AP3D1: variants seen among roughly 807,000 people sequenced by gnomAD.
The protein encoded by AP3D1 is adaptor related protein complex 3 subunit delta 1.
AP3D1 carries 51 observed loss-of-function variants against 147.6 expected under a neutral mutation model. The observed-to-expected ratio is 0.35, with a 90% CI of 0.28 to 0.44. AP3D1 has a LOEUF of 0.44. AP3D1 is among the 20% of genes least tolerant of loss of function. The probability of loss-of-function intolerance (pLI) is 1.00; values close to 1 mark genes in which losing one functional copy is unlikely to be tolerated. For synonymous variants in AP3D1, 760 were observed against 663.0 expected (o/e 1.15, Z -2.25); for missense variants, 1,421 against 1,624.2 (o/e 0.87, Z 2.15).
Position 2,111,683 on chromosome 19 carries a change from A to G in AP3D1, c.2933T>C (p.Leu978Pro). 6.3e-7 allele frequency: 1 copy of G among 1,589,212 alleles called. No individual in the cohort carries two copies. Among genetic ancestry groups the G allele is most frequent in the Non-Finnish European group, 8.5e-7 (1 of 1,170,512 alleles). Residue 978 changes from leucine (L) to proline (P), a missense_variant, in exon 25 of 32, where the codon CTC (leucine) becomes CCC (proline). Leu to Pro is a moderately conservative substitution (Grantham distance 98, BLOSUM62 -3). Transcript: ENST00000643116. Reference sequence around the variant, plus strand: ...GGGCGCTGAAGTACCCCTCACCGGGAGCTGCTCCTCCTCTGGCGCGCCATT... The same window carrying G: ...GGGCGCTGAAGTACCCCTCACCGGGGGCTGCTCCTCCTCTGGCGCGCCATT... ...VQNGAPEEEQ[L>P]PPESSYSLLA... is the part of the protein sequence containing the mutation.
chr19:2,121,314 G>C lies in AP3D1; in HGVS notation c.1102-3C>G. 1 of 1,614,024 alleles carries C rather than the reference G, an allele frequency of 6.2e-7. No homozygotes were observed. Among genetic ancestry groups the C allele is most frequent in the Non-Finnish European group, 8.5e-7 (1 of 1,179,970 alleles). ...TCCATCAGGTTCTTCTTGGACACCT[G>C]GGCAAAAGTGTACAGACAGTGGTGA... On this transcript the variant is annotated splice_region_variant and splice_polypyrimidine_tract_variant and intron_variant, in intron 12 of 31. Transcript: ENST00000643116.
In AP3D1 at chr19:2,127,022, G is replaced by A. The variant is rs114668581; in HGVS notation, c.856+130C>T. ...TCCCAGCCAGCCCCAGGCCCCACCA[G>A]CCAGCTTTCCTTCTCAGTTCCAGCA... On this transcript the variant is annotated intron_variant, in intron 9 of 31. Coordinates refer to ENST00000643116, the MANE Select transcript of AP3D1 (RefSeq NM_001261826.3). The A allele has an allele frequency of 1.1e-3, 1,086 of 989,332 alleles. 10 individuals carry two copies. The African/African-American group carries it at 0.014, about 13-fold the overall frequency. 61.3% of individuals were successfully genotyped at this position (989,332 alleles called of 1,614,324 possible). A position where few individuals can be genotyped will look rare whatever the true frequency, so the allele number is the denominator to read the frequency against.
intron 1 of AP3D1, among the ~76,000 whole-genome samples, chr19:2,147,970 A>G (rs1478280330): frequency 6.6e-6 from 1 of 151,784 alleles, no homozygotes; most frequent in Non-Finnish European, 1.5e-5. Context: ...GATCACGAGG[A>G]CAGGAGATTG....
intron 4 of AP3D1, among the ~76,000 whole-genome samples, 157 bp downstream of exon 4, chr19:2,136,854 T>C (rs769600296): frequency 6.6e-6 from 1 of 152,202 alleles, no homozygotes; most frequent in African/African-American, 2.4e-5. Flanking sequence ...GCCTCCTCTC[T>C]GCGTCTGCTG....
rs571117702 is a variant in AP3D1 at position 2,144,962 on chromosome 19, A to G, written c.97-6248T>C. ...GCTTCTGGCTCAAATCCACAGAGACAGCAGGTCAGTGGTCGCCAGGGCATA... is the reference window on the plus strand; with the variant it reads ...GCTTCTGGCTCAAATCCACAGAGACGGCAGGTCAGTGGTCGCCAGGGCATA... On this transcript the variant is annotated intron_variant, in intron 1 of 31. Coordinates refer to ENST00000643116, the MANE Select transcript of AP3D1 (RefSeq NM_001261826.3). Among the ~76,000 whole-genome samples, 7 of 152,340 alleles carry G rather than the reference A, an allele frequency of 4.6e-5. No individual in the cohort carries two copies. In the South Asian group the frequency reaches 1.0e-3, roughly 23 times the overall value.
At chr19:2,149,863 T>C (rs1042566296) in intron 1 of AP3D1, among the ~76,000 whole-genome samples, 4 of 152,222 alleles carry the variant, frequency 2.6e-5, no homozygotes, top group African/African-American at 7.2e-5. Flanking sequence ...ATTTCCAATC[T>C]GAACCAAGCT....
rs770444809 is a variant in AP3D1, at chr19:2,111,660, G to A, written c.2937+19C>T. 6.4e-7 allele frequency: 1 copy of A among 1,570,866 alleles called. No individual in the cohort carries two copies. The highest frequency in any genetic ancestry group is 2.3e-5 in the East Asian group (1 of 42,944). On this transcript the variant is annotated intron_variant, in intron 25 of 31. Coordinates refer to ENST00000643116, the MANE Select transcript of AP3D1 (RefSeq NM_001261826.3). ...CCAGGAACCCCGGCGTGGGGCGGGG[G>A]CGCTGAAGTACCCCTCACCGGGAGC...
chr19:2,127,106 C>T (rs1360950865), intron 9 of AP3D1, 46 bp downstream of exon 9: 9 of 1,600,312 alleles, frequency 5.6e-6, no homozygotes, highest in Non-Finnish European at 7.7e-6. Flanking sequence ...GAGACCCCAG[C>T]CTGGCAGTGC....
At position 2,141,503 on chromosome 19, in the gene AP3D1, G is replaced by A. The variant is rs577546247; in HGVS notation, c.97-2789C>T. On this transcript the variant is annotated intron_variant, in intron 1 of 31. Transcript: ENST00000643116. ...GGCTGGAGTGCAGTGGTACGATCTCGGCTCACTGCAACCTCCGCCTCTCGG... is the reference window on the plus strand; with the variant it reads ...GGCTGGAGTGCAGTGGTACGATCTCAGCTCACTGCAACCTCCGCCTCTCGG... 1.5e-3 allele frequency among the ~76,000 whole-genome samples: 215 copies of A among 138,976 alleles called. 1 individual carries two copies. The highest frequency in any genetic ancestry group is 5.6e-3 in the African/African-American group (207 of 36,816). The allele number at this position is 138,976 out of a possible 152,430, so 91.2% of individuals were successfully genotyped here.
At chr19:2,105,842 T>C (rs927634757) in intron 31 of AP3D1, among the ~76,000 whole-genome samples, 1 of 152,170 alleles carries the variant, frequency 6.6e-6, no homozygotes, top group Non-Finnish European at 1.5e-5. Flanking sequence ...GTGCTTCTAA[T>C]ACCAGCACTT....
At chr19:2,140,956 G>A (rs1241139070) in intron 1 of AP3D1, among the ~76,000 whole-genome samples, 9 of 151,544 alleles carry the variant, frequency 5.9e-5, no homozygotes, top group Non-Finnish European at 1.0e-4. Flanking sequence ...ACGGGGTTTC[G>A]CCACGTTGGC....
chr19:2,127,780 G>A (rs1394579051), intron 8 of AP3D1, among the ~76,000 whole-genome samples: 2 of 152,220 alleles, frequency 1.3e-5, no homozygotes, highest in Middle Eastern at 3.2e-3. Context: ...ACTCGCCTTG[G>A]CCTCCCAAAG....
chr19:2,112,537 A>C, intron 24 of AP3D1: 1 of 250,448 alleles, frequency 4.0e-6, no homozygotes, highest in Non-Finnish European at 7.6e-6. Context: ...GCTGGTGGGA[A>C]TGGAGCTTCT....
chr19:2,146,852 A>G (rs1236805492), intron 1 of AP3D1, among the ~76,000 whole-genome samples: 1 of 151,950 alleles, frequency 6.6e-6, no homozygotes, highest in Non-Finnish European at 1.5e-5. Flanking sequence ...TCCAAGAGAC[A>G]TTCTGGTCTG....
chr19:2,109,340 G>A (rs2018200034), intron 29 of AP3D1, 133 bp from the exon 30 acceptor site: 1 of 1,259,704 alleles, frequency 7.9e-7, no homozygotes, highest in Non-Finnish European at 1.1e-6. Flanking sequence ...GAGGTCTTGG[G>A]GGTCCTGGAA....
intron 4 of AP3D1, 125 bp downstream of exon 4, chr19:2,136,886 C>A: frequency 2.3e-6 from 2 of 872,010 alleles, no homozygotes; most frequent in South Asian, 1.5e-5. Flanking sequence ...GCTCCGGAAG[C>A]CCCGCTCGCA....
In AP3D1 at chr19:2,121,240, G is replaced by A; in HGVS notation, c.1173C>T (p.Thr391=). ...TCTTGGTGAGCAGCTCGTCACGGTA[G>A]GTGGTACCCTCTGCCTTGTCTACGT... ...MTHVDKAEGT[T]YRDELLTKII... The change falls in exon 13 of 32, where the codon ACC becomes ACT. Residue 391 remains threonine, a synonymous_variant. Transcript: ENST00000643116. 6.2e-7 allele frequency: 1 copy of A among 1,614,206 alleles called. No homozygotes were observed. The highest frequency in any genetic ancestry group is 1.1e-5 in the South Asian group (1 of 91,090).
chr19:2,163,197 C>G (rs1339470596), intron 1 of AP3D1, among the ~76,000 whole-genome samples: 1 of 152,154 alleles, frequency 6.6e-6, no homozygotes, highest in Non-Finnish European at 1.5e-5. Flanking sequence ...CCTCAGCCCC[C>G]GCAGTAGCTG....
Position 2,129,459 on chromosome 19 carries a change from T to TG in AP3D1, c.593-3dup. ...CATTGACGGCAGCCGACTGAACCCC[T>TG]GGGGAACAAGGGGTTCTCATCAGCA... is the stretch of plus-strand genomic sequence containing the variant. On this transcript the variant is annotated splice_polypyrimidine_tract_variant and splice_region_variant and intron_variant, in intron 6 of 31. Transcript: ENST00000643116. 6.2e-7 allele frequency: 1 copy of TG among 1,613,492 alleles called. No individual in the cohort carries two copies. The highest frequency in any genetic ancestry group is 8.5e-7 in the Non-Finnish European group (1 of 1,179,566).
Sources: allele counts gnomAD v4.1 joint callset (sites outside exome capture counted in the v4.1 genomes callset), GRCh38; gene constraint gnomAD v4.1.1; transcripts MANE v1.5; gene names NCBI Gene and HGNC (gene_info 2026-07-23, HGNC 2026-07-21).